The following SPTBN4 variants were observed in gnomAD, a reference collection of about 807,000 sequenced individuals.
The protein encoded by SPTBN4 is spectrin beta, non-erythrocytic 4, also known as spectrin beta chain, non-erythrocytic 4.
In SPTBN4, 96 loss-of-function variants were observed where a neutral mutation model predicts 277.8. That is an observed-to-expected ratio of 0.35 (90% CI 0.29 to 0.41). The LOEUF is 0.41. Among genes scored for constraint, SPTBN4 ranks in the 10% least tolerant of loss-of-function variants. SPTBN4 has a pLI of 1.00. For missense variants in SPTBN4, 3,006 were observed against 3,595.7 expected (o/e 0.84, Z 4.19); for synonymous variants, 1,481 against 1,580.3 (o/e 0.94, Z 1.49).
chr19:40,529,218 C>A lies in SPTBN4; in HGVS notation c.3948+87C>A. 3 of 1,311,354 alleles carry A rather than the reference C, an allele frequency of 2.3e-6. No homozygotes were observed. The South Asian group carries it at 3.6e-5, about 16-fold the overall frequency. 81.2% of individuals were successfully genotyped at this position (1,311,354 alleles called of 1,614,324 possible). On this transcript the variant is annotated intron_variant, in intron 18 of 35. Transcript: ENST00000598249. ...TCGGCCGAGGTGGGGGTGGGGACGCCCCGTCTAAGTGGGTCGCGGAGCGAT... is the reference window on the plus strand; with the variant it reads ...TCGGCCGAGGTGGGGGTGGGGACGCACCGTCTAAGTGGGTCGCGGAGCGAT...
chr19:40,535,166 C>A (rs971422123), intron 20 of SPTBN4, among the ~76,000 whole-genome samples: 1 of 152,160 alleles, frequency 6.6e-6, no homozygotes, highest in African/African-American at 2.4e-5. Context: ...AGTGATTCTC[C>A]CACTTCAGCC....
At chr19:40,517,148 TG>T (rs2080469783) in intron 15 of SPTBN4, among the ~76,000 whole-genome samples, 1 of 152,096 alleles carries the variant, frequency 6.6e-6, no homozygotes, top group Non-Finnish European at 1.5e-5. Flanking sequence ...GGTAACACTA[TG>T]AGGTGGAAAC....
intron 7 of SPTBN4, among the ~76,000 whole-genome samples, chr19:40,499,916 G>A (rs772507912): frequency 6.6e-6 from 1 of 151,796 alleles, no homozygotes; most frequent in Non-Finnish European, 1.5e-5. Context: ...ATAAAGGCCA[G>A]GTATACTGTT....
chr19:40,552,455 C>CAAAAA (rs33935362), intron 22 of SPTBN4, among the ~76,000 whole-genome samples: 1 of 75,928 alleles, frequency 1.3e-5, no homozygotes, highest in Non-Finnish European at 2.5e-5. Context: ...GACTCCGTCT[C>CAAAAA]AAAAAAAAAA....
At chr19:40,497,851 C>T (rs1599732554) in intron 7 of SPTBN4, among the ~76,000 whole-genome samples, 1 of 151,490 alleles carries the variant, frequency 6.6e-6, no homozygotes, top group Admixed American at 6.6e-5. Flanking sequence ...CGTGTCCCAA[C>T]GTAACCCCTC....
intron 2 of SPTBN4, among the ~76,000 whole-genome samples, chr19:40,484,719 A>G (rs2080049793): frequency 6.6e-6 from 1 of 151,908 alleles, no homozygotes; most frequent in African/African-American, 2.4e-5. Context: ...CGAGGTCAGG[A>G]GATGGAGACC....
rs1468203018 is a variant in SPTBN4, at chr19:40,565,669, A to G, written c.6063A>G (p.Ala2021=). Residue 2021 remains alanine, a synonymous_variant, in exon 29 of 36, where the codon GCA becomes GCG. Coordinates refer to ENST00000598249, the MANE Select transcript of SPTBN4 (RefSeq NM_020971.3). Reference sequence around the variant, plus strand: ...CCACCTGCCACTCCCAGATCCAGGCACAGCTGGACAAGCTGGGAACCAGGA... The same window carrying G: ...CCACCTGCCACTCCCAGATCCAGGCGCAGCTGGACAAGCTGGGAACCAGGA... ...NKSAMADEIQ[A]QLDKLGTRKE... The G allele has an allele frequency of 6.4e-7, 1 of 1,556,544 alleles. No homozygotes were observed. The highest frequency in any genetic ancestry group is 1.2e-5 in the South Asian group (1 of 84,958).
At chr19:40,573,868 G>A (rs572995489) in intron 35 of SPTBN4, among the ~76,000 whole-genome samples, 38 of 152,274 alleles carry the variant, frequency 2.5e-4, no homozygotes, top group African/African-American at 6.0e-4. Flanking sequence ...TTGGGAGGCC[G>A]AGGCGGGCAG....
chr19:40,518,642 TC>T (rs1445210905), intron 15 of SPTBN4, among the ~76,000 whole-genome samples: 2 of 152,114 alleles, frequency 1.3e-5, no homozygotes, highest in Non-Finnish European at 2.9e-5. Context: ...CAGGCTGCTC[TC>T]CAACTCCTGA....
chr19:40,557,464 T>C (rs912176944), intron 26 of SPTBN4, 61 bp downstream of exon 26: 1 of 1,486,492 alleles, frequency 6.7e-7, no homozygotes, highest in African/African-American at 1.4e-5. Flanking sequence ...GGCAGCAGAG[T>C]GGGCAAAAAT....
intron 20 of SPTBN4, among the ~76,000 whole-genome samples, chr19:40,545,640 G>C (rs2080850811): frequency 6.6e-6 from 1 of 151,696 alleles, no homozygotes; most frequent in South Asian, 2.1e-4. Flanking sequence ...AGGCGCAGTG[G>C]CTCACTCCTG....
intron 34 of SPTBN4, 37 bp from the exon 35 acceptor site, chr19:40,572,301 T>G: frequency 6.2e-7 from 1 of 1,612,690 alleles, no homozygotes; most frequent in Non-Finnish European, 8.5e-7. Context: ...CTGGGCCCCT[T>G]CCCCAGATCT....
In SPTBN4 at chr19:40,512,617, T is replaced by C; in HGVS notation, c.1828T>C (p.Cys610Arg). The change falls in exon 14 of 36, where the codon TGC (cysteine) becomes CGC (arginine). Residue 610 changes from cysteine (C) to arginine (R), a missense_variant. This residue lies in a region of SPTBN4 where 1,759 missense variants were observed against 2,061.5 expected (regional missense o/e 0.85). Transcript: ENST00000598249. ...RFSQLQGYQPCDPQVICNRVN... is the reference protein window; with the variant it reads ...RFSQLQGYQPRDPQVICNRVN... ...TTCTCCTGGCTCAGGCTACCAGCCC[T>C]GCGACCCGCAGGTCATCTGCAACCG... The C allele has an allele frequency of 1.3e-6, 2 of 1,537,652 alleles. No individual in the cohort carries two copies. The highest frequency in any genetic ancestry group is 1.7e-6 in the Non-Finnish European group (2 of 1,149,924).
intron 1 of SPTBN4, among the ~76,000 whole-genome samples, chr19:40,469,346 C>A (rs114699530): frequency 6.6e-6 from 1 of 151,982 alleles, no homozygotes; most frequent in African/African-American, 2.4e-5. Context: ...CTCACTACAA[C>A]CTTCGCCTCC....
chr19:40,515,209 A>C lies in SPTBN4; in HGVS notation c.2766-102A>C. The stretch of plus-strand genomic sequence containing the variant: ...GAAGGAGCCCACAAAGGAGGCTGAA[A>C]AGAAGGGTGGATTGAGAATTAGGAG... On this transcript the variant is annotated intron_variant, in intron 14 of 35. Transcript: ENST00000598249. This position sits in a 1 kb window ranked among gnomAD's most constrained non-coding sequence, Gnocchi z 4.1. 1 of 1,348,494 alleles carries C rather than the reference A, an allele frequency of 7.4e-7. No homozygotes were observed. Among genetic ancestry groups the C allele is most frequent in the Non-Finnish European group, 9.8e-7 (1 of 1,020,276 alleles). The allele number at this position is 1,348,494 out of a possible 1,614,324, so 83.5% of individuals were successfully genotyped here.
At chr19:40,567,431 T>TA (rs1429862143) in intron 30 of SPTBN4, among the ~76,000 whole-genome samples, 2 of 152,124 alleles carry the variant, frequency 1.3e-5, no homozygotes, top group African/African-American at 4.8e-5. Context: ...ACCCAATTTT[T>TA]AAAAAAGTGA....
At chr19:40,538,106 T>C (rs1307347496) in intron 20 of SPTBN4, among the ~76,000 whole-genome samples, 1 of 152,054 alleles carries the variant, frequency 6.6e-6, no homozygotes, top group Non-Finnish European at 1.5e-5. Context: ...ACGGCAGCCA[T>C]GGCCAGACGC....
rs777949852 is a variant in SPTBN4 at position 40,557,165 on chromosome 19, G to A, written c.5432G>A (p.Gly1811Glu). The change falls in exon 26 of 36, where the codon GGA becomes GAA. Residue 1811 changes from glycine (G) to glutamate (E), a missense_variant. Transcript: ENST00000598249. ...GCCACCATGGCCGAGTGGAAGGACG[G>A]ACTGAACGAGGCCTGGGCTGAGCTG... ...AAATMAEWKD[G>E]LNEAWAELLE... The A allele has an allele frequency of 1.9e-5, 31 of 1,611,148 alleles. No homozygotes were observed. In the Admixed American group the frequency reaches 5.2e-4, roughly 27 times the overall value.
Position 40,502,889 on chromosome 19 carries a change from A to C in SPTBN4, c.1318A>C (p.Met440Leu). 6.2e-7 allele frequency: 1 copy of C among 1,613,898 alleles called. No individual in the cohort carries two copies. The highest frequency in any genetic ancestry group is 8.5e-7 in the Non-Finnish European group (1 of 1,180,014). Residue 440 changes from methionine (M) to leucine (L), a missense_variant, in exon 11 of 36, where the codon ATG (methionine) becomes CTG (leucine). Physicochemically the swap from Met to Leu is conservative, Grantham distance 15 (BLOSUM62 2). Coordinates refer to ENST00000598249, the MANE Select transcript of SPTBN4 (RefSeq NM_020971.3). This position sits in a 1 kb window ranked among gnomAD's most constrained non-coding sequence, Gnocchi z 4.9. ...LAQRFDHKVA[M>L]RESWLNENQR... ...ACAGAGGTTTGACCACAAGGTGGCTATGAGGGAGAGCTGGCTGAATGAGAA... is the reference window on the plus strand; with the variant it reads ...ACAGAGGTTTGACCACAAGGTGGCTCTGAGGGAGAGCTGGCTGAATGAGAA...
Sources: allele counts gnomAD v4.1 joint callset (sites outside exome capture counted in the v4.1 genomes callset), GRCh38; gene constraint gnomAD v4.1.1; regional missense constraint gnomAD v4.1.1; non-coding constraint Gnocchi (gnomAD v3.1); transcripts MANE v1.5; gene names NCBI Gene and HGNC (gene_info 2026-07-23, HGNC 2026-07-21).